The following TTLL5 variants were observed in gnomAD, a reference collection of about 807,000 sequenced individuals.
TTLL5 encodes the protein tubulin polyglutamylase TTLL5.
In TTLL5, 132 loss-of-function variants were observed where a neutral mutation model predicts 168.4. The observed-to-expected ratio is 0.78, with a 90% CI of 0.68 to 0.91. TTLL5 has a LOEUF of 0.91. Among genes scored for constraint, TTLL5 ranks in the 40% least tolerant of loss-of-function variants. TTLL5 has a pLI of 0.00. For missense variants in TTLL5, 1,545 were observed against 1,581.5 expected (o/e 0.98, Z 0.39); for synonymous variants, 546 against 558.6 (o/e 0.98, Z 0.32).
At chr14:75,795,135 G>C (rs991452168) in intron 27 of TTLL5, among the ~76,000 whole-genome samples, 1 of 151,766 alleles carries the variant, frequency 6.6e-6, no homozygotes, top group African/African-American at 2.4e-5. Flanking sequence ...TCACTCTACT[G>C]TTCTCCTGCC....
intron 9 of TTLL5, among the ~76,000 whole-genome samples, chr14:75,715,264 CTTT>C (rs1201985101): frequency 1.0e-3 from 135 of 130,942 alleles, no homozygotes; most frequent in African/African-American, 3.6e-3. Context: ...CACCATCTTC[CTTT>C]TTTTTTTTTT....
chr14:75,681,708 G>C, intron 4 of TTLL5, 81 bp downstream of exon 4: 5 of 1,221,430 alleles, frequency 4.1e-6, no homozygotes, highest in Non-Finnish European at 6.0e-6. Context: ...CCAGTTAACA[G>C]GGCCAGCTCC....
intron 31 of TTLL5, among the ~76,000 whole-genome samples, chr14:75,925,491 T>G: frequency 1.5e-5 from 2 of 130,110 alleles, no homozygotes; most frequent in African/African-American, 3.0e-5. Flanking sequence ...TCTCAGGCGA[T>G]GGGCGGCCGG....
chr14:75,820,217 C>G (rs1894747748), intron 28 of TTLL5, 56 bp downstream of exon 28: 2 of 1,472,876 alleles, frequency 1.4e-6, no homozygotes, highest in East Asian at 5.2e-5. Flanking sequence ...GCCTGTGTCC[C>G]AAGCAAGCCA....
At chr14:75,878,490 A>T (rs1023156370) in intron 29 of TTLL5, among the ~76,000 whole-genome samples, 7 of 152,220 alleles carry the variant, frequency 4.6e-5, no homozygotes, top group Non-Finnish European at 8.8e-5. Flanking sequence ...GAGTCTGCCC[A>T]TTTAAAGAGC....
rs569518393 is a variant in TTLL5, at chr14:75,689,124, G to T, written c.372-1068G>T. 7.2e-5 allele frequency among the ~76,000 whole-genome samples: 11 copies of T among 152,326 alleles called. No homozygotes were observed. In the East Asian group the frequency reaches 1.5e-3, roughly 21 times the overall value. ...GGATCACTTGATCTGGGAGAAACCAGTTGTCACGTCATGAAGGCACTTGGC... is the reference window on the plus strand; with the variant it reads ...GGATCACTTGATCTGGGAGAAACCATTTGTCACGTCATGAAGGCACTTGGC... On this transcript the variant is annotated intron_variant, in intron 5 of 31. Transcript: ENST00000298832.
At chr14:75,918,672 G>A (rs2033708010) in intron 31 of TTLL5, among the ~76,000 whole-genome samples, 1 of 152,008 alleles carries the variant, frequency 6.6e-6, no homozygotes, top group South Asian at 2.1e-4. Context: ...TTTGCTCTGA[G>A]TACAATATAA....
chr14:75,871,565 T>TAAA (rs60974706), intron 29 of TTLL5, among the ~76,000 whole-genome samples: 2 of 137,870 alleles, frequency 1.5e-5, no homozygotes, highest in African/African-American at 2.6e-5. Context: ...CACAAATCTT[T>TAAA]AAAAAAAAAA....
chr14:75,735,707 T>C (rs1186383433), intron 15 of TTLL5, among the ~76,000 whole-genome samples: 1 of 152,228 alleles, frequency 6.6e-6, no homozygotes, highest in East Asian at 1.9e-4. Context: ...CAAGTAATTC[T>C]CCTCAAAGGA....
intron 5 of TTLL5, among the ~76,000 whole-genome samples, chr14:75,686,071 A>G (rs1427415555): frequency 6.6e-6 from 1 of 152,192 alleles, no homozygotes; most frequent in Non-Finnish European, 1.5e-5. Flanking sequence ...TGTTTGTGGT[A>G]CCTAGATTTG....
intron 26 of TTLL5, among the ~76,000 whole-genome samples, chr14:75,787,135 CAACAA>C (rs1275397796): frequency 2.0e-5 from 3 of 151,842 alleles, no homozygotes; most frequent in African/African-American, 7.3e-5. Context: ...CCATCTCAAA[CAACAA>C]AACAAAACAA....
intron 30 of TTLL5, among the ~76,000 whole-genome samples, chr14:75,890,986 T>C (rs972432093): frequency 1.3e-5 from 2 of 152,200 alleles, no homozygotes; most frequent in Admixed American, 1.3e-4. Context: ...CCCAAAGTGC[T>C]GGGATTACAG....
chr14:75,923,022 T>C (rs967096048), intron 31 of TTLL5, among the ~76,000 whole-genome samples: 10 of 152,220 alleles, frequency 6.6e-5, no homozygotes, highest in Admixed American at 4.6e-4. Flanking sequence ...TGTCTGATGG[T>C]AGTTTGTATT....
rs2140230279 is a variant in TTLL5 at position 75,954,981 on chromosome 14, AGAG to A, written c.*539_*541del. ...AGCATTCATCACAAGTTTCCTAGAG[AGAG>A]GAGACAAATCGGTGTGCCATTGACA... On this transcript the variant is annotated 3_prime_UTR_variant, in exon 32 of 32. Coordinates refer to ENST00000298832, the MANE Select transcript of TTLL5 (RefSeq NM_015072.5). 6.6e-6 allele frequency: 1 copy of A among 152,594 alleles called. No homozygotes were observed. The highest frequency in any genetic ancestry group is 2.4e-5 in the African/African-American group (1 of 41,570). 9.5% of individuals were successfully genotyped at this position (152,594 alleles called of 1,614,324 possible).
chr14:75,945,565 T>C (rs894310743), intron 31 of TTLL5, among the ~76,000 whole-genome samples: 9 of 152,068 alleles, frequency 5.9e-5, no homozygotes, highest in African/African-American at 2.2e-4. Context: ...TTCTAAAGTT[T>C]TTTAATAAAC....
At chr14:75,813,554 TG>T (rs1464504426) in intron 27 of TTLL5, among the ~76,000 whole-genome samples, 1 of 152,058 alleles carries the variant, frequency 6.6e-6, no homozygotes, top group Non-Finnish European at 1.5e-5. Context: ...CCACATGCTT[TG>T]GCCTCCCAAA....
chr14:75,764,505 T>A lies in TTLL5; in HGVS notation c.1551-110T>A, dbSNP rs976249226. 3.1e-6 allele frequency: 4 copies of A among 1,302,338 alleles called. No homozygotes were observed. The African/African-American group carries it at 5.9e-5, about 19-fold the overall frequency. 80.7% of individuals were successfully genotyped at this position (1,302,338 alleles called of 1,614,324 possible). A position where few individuals can be genotyped will look rare whatever the true frequency, so the allele number is the denominator to read the frequency against. The stretch of plus-strand genomic sequence containing the variant: ...ATCTGTCAAACTTTTAGAATTCACT[T>A]GAGTTACCATGTCCAGTATGTCAGC... On this transcript the variant is annotated intron_variant, in intron 18 of 31. Coordinates refer to ENST00000298832, the MANE Select transcript of TTLL5 (RefSeq NM_015072.5).
At chr14:75,804,657 C>T (rs1473648181) in intron 27 of TTLL5, among the ~76,000 whole-genome samples, 1 of 152,100 alleles carries the variant, frequency 6.6e-6, no homozygotes, top group Non-Finnish European at 1.5e-5. Flanking sequence ...TTCTTTTTAC[C>T]ATATACATTA....
At chr14:75,820,898 G>C (rs1043965819) in intron 28 of TTLL5, 2 of 151,918 alleles carry the variant, frequency 1.3e-5, no homozygotes, top group African/African-American at 4.8e-5. Context: ...TGAGTCGAAT[G>C]CGCTAGAGAG....
Sources: allele counts gnomAD v4.1 joint callset (sites outside exome capture counted in the v4.1 genomes callset), GRCh38; gene constraint gnomAD v4.1.1; transcripts MANE v1.5; gene names NCBI Gene and HGNC (gene_info 2026-07-23, HGNC 2026-07-21).